Variants in OGDHL observed in about 807,000 individuals in gnomAD.
OGDHL encodes the protein 2-oxoglutarate dehydrogenase-like, mitochondrial.
A neutral mutation model predicts 109.6 loss-of-function variants in OGDHL; 79 were observed. The ratio of observed to expected loss-of-function variants is 0.72; its 90% confidence interval spans 0.60 to 0.87. The LOEUF (loss-of-function observed/expected upper bound fraction) is 0.87. OGDHL is among the 40% of genes least tolerant of loss of function. OGDHL has a pLI of 0.00. For synonymous variants in OGDHL, 528 were observed against 537.2 expected, an observed-to-expected ratio of 0.98 and a Z score of 0.24; for missense variants, 1,275 against 1,362.2, an observed-to-expected ratio of 0.94 and a Z score of 1.01.
Position 49,743,983 on chromosome 10 carries a change from A to G in OGDHL, c.1861+11T>C. On this transcript the variant is annotated intron_variant, in intron 14 of 22. Transcript: ENST00000374103. ...CAGCAGCCTGGGCTGCAGCCTGTCC[A>G]GCAACCTCACCAGTGTGGATCTTAA... is the stretch of plus-strand genomic sequence containing the variant. 1 of 1,611,010 alleles carries G rather than the reference A, an allele frequency of 6.2e-7. No individual in the cohort carries two copies. The highest frequency in any genetic ancestry group is 1.1e-5 in the South Asian group (1 of 90,942).
intron 2 of OGDHL, among the ~76,000 whole-genome samples, chr10:49,757,591 T>G (rs956486543): frequency 6.6e-6 from 1 of 152,136 alleles, no homozygotes; most frequent in South Asian, 2.1e-4. Flanking sequence ...TTCGCCACAG[T>G]CAGAGACTAG....
rs776345244 is a variant in OGDHL at position 49,752,130 on chromosome 10, C to T, written c.594+3G>A. 4 of 1,612,882 alleles carry T rather than the reference C, an allele frequency of 2.5e-6. No individual in the cohort carries two copies. Among genetic ancestry groups the T allele is most frequent in the South Asian group, 1.1e-5 (1 of 91,052 alleles). On this transcript the variant is annotated splice_donor_region_variant and intron_variant, in intron 5 of 22. Coordinates refer to ENST00000374103, the MANE Select transcript of OGDHL (RefSeq NM_018245.3). ...TGCACCCCACACACCCGCCTGTGCT[C>T]ACCTCCAGGCGCCGAATGATCTCCC...
At chr10:49,743,584 C>G (rs1437021031) in intron 14 of OGDHL, 1 of 169,126 alleles carries the variant, frequency 5.9e-6, no homozygotes, top group Admixed American at 5.9e-5. Flanking sequence ...GGGCTGCCCT[C>G]GGTCATTGGT....
rs1841045628 is a variant in OGDHL at position 49,735,131 on chromosome 10, G to A, written c.*97C>T. 2.0e-6 allele frequency: 3 copies of A among 1,517,296 alleles called. No individual in the cohort carries two copies. The highest frequency in any genetic ancestry group is 1.4e-5 in the African/African-American group (1 of 72,104). 94.0% of individuals were successfully genotyped at this position (1,517,296 alleles called of 1,614,324 possible). A position where few individuals can be genotyped will look rare whatever the true frequency, so the allele number is the denominator to read the frequency against. On this transcript the variant is annotated 3_prime_UTR_variant, in exon 23 of 23. Coordinates refer to ENST00000374103, the MANE Select transcript of OGDHL (RefSeq NM_018245.3). ...GTCTGTTTTATCCTGGGGCCCCACA[G>A]CCCCTCTCCTGGGCAGGAGCTCCGC...
intron 15 of OGDHL, 105 bp from the exon 16 acceptor site, chr10:49,740,942 T>A: frequency 7.0e-7 from 1 of 1,433,442 alleles, no homozygotes; most frequent in Non-Finnish European, 9.6e-7. Flanking sequence ...CCTCCGTCAC[T>A]GTCCCAGGAA....
chr10:49,751,916 C>A lies in OGDHL; in HGVS notation c.660G>T (p.Trp220Cys), dbSNP rs138462834. Residue 220 changes from tryptophan to cysteine, a missense_variant, in exon 6 of 23, where the codon TGG becomes TGT. Transcript: ENST00000374103. ...CAGGGGTCTCAAACTTCTGCCGGAT[C>A]CACTGGCACTGCTCCACATCGTTGA... ...MFINDVEQCQ[W>C]IRQKFETPGV... The A allele has an allele frequency of 6.2e-7, 1 of 1,614,172 alleles. No homozygotes were observed. The highest frequency in any genetic ancestry group is 8.5e-7 in the Non-Finnish European group (1 of 1,180,020).
At chr10:49,753,308 G>A (rs1842726522) in intron 3 of OGDHL, among the ~76,000 whole-genome samples, 1 of 152,106 alleles carries the variant, frequency 6.6e-6, no homozygotes, top group African/African-American at 2.4e-5. Context: ...TATCCTCTAG[G>A]GGAGGGGACA....
intron 15 of OGDHL, among the ~76,000 whole-genome samples, chr10:49,741,487 A>C (rs940232015): frequency 2.6e-5 from 4 of 152,100 alleles, no homozygotes; most frequent in Admixed American, 1.3e-4. Flanking sequence ...TGGCTTGCTA[A>C]CCAGGAGCGG....
intron 17 of OGDHL, chr10:49,738,747 G>A (rs1009127721): frequency 1.2e-4 from 22 of 180,826 alleles, no homozygotes; most frequent in African/African-American, 4.3e-4. Flanking sequence ...CCTGGGCCTC[G>A]CCCACCCTCA....
In OGDHL at chr10:49,751,002, T is replaced by A. The variant is rs1385059825; in HGVS notation, c.750-17A>T. Reference sequence around the variant, plus strand: ...TCTTCAAACCTGCTTGGGGAGAGGATGGGAAGAGGAAAGGGAAAGGGATGG... The same window carrying A: ...TCTTCAAACCTGCTTGGGGAGAGGAAGGGAAGAGGAAAGGGAAAGGGATGG... On this transcript the variant is annotated splice_polypyrimidine_tract_variant and intron_variant, in intron 6 of 22. Coordinates refer to ENST00000374103, the MANE Select transcript of OGDHL (RefSeq NM_018245.3). 1.3e-6 allele frequency: 2 copies of A among 1,580,644 alleles called. No individual in the cohort carries two copies. Among genetic ancestry groups the A allele is most frequent in the South Asian group, 2.3e-5 (2 of 87,868 alleles).
chr10:49,755,460 A>C (rs1842862768), intron 3 of OGDHL, among the ~76,000 whole-genome samples: 1 of 152,168 alleles, frequency 6.6e-6, no homozygotes, highest in African/African-American at 2.4e-5. Context: ...GCTAAGGGGG[A>C]AATTGATGAA....
intron 16 of OGDHL, among the ~76,000 whole-genome samples, 182 bp downstream of exon 16, chr10:49,740,528 C>T (rs1027374914): frequency 5.3e-5 from 8 of 152,096 alleles, no homozygotes; most frequent in African/African-American, 1.9e-4. Context: ...AGATGGGACA[C>T]GATTTCACCT....
chr10:49,746,120 G>T, intron 10 of OGDHL, 143 bp from the exon 11 acceptor site: 2 of 893,518 alleles, frequency 2.2e-6, no homozygotes, highest in Non-Finnish European at 3.3e-6. Context: ...GGGTGATGGT[G>T]AGCAGCCCCA....
intron 20 of OGDHL, 23 bp from the exon 21 acceptor site, chr10:49,736,543 C>T: frequency 6.2e-7 from 1 of 1,608,956 alleles, no homozygotes; most frequent in Non-Finnish European, 8.5e-7. Flanking sequence ...CAGGACATGG[C>T]AGAGGCGTTG....
rs530353500 is a variant in OGDHL at position 49,751,868 on chromosome 10, C to T, written c.708G>A (p.Glu236=). 9.7e-5 allele frequency: 156 copies of T among 1,614,178 alleles called. 2 individuals carry two copies. The South Asian group carries it at 1.1e-3, about 11-fold the overall frequency. ...ETPGVMQFSS[E]EKRTLLARLV... The stretch of plus-strand genomic sequence containing the variant: ...GCCGGGCCAGCAGGGTCCGCTTCTC[C>T]TCGCTGGAGAACTGCATCACACCAG... The change falls in exon 6 of 23, where the codon GAG becomes GAA. Residue 236 remains glutamate (E), a synonymous_variant. Transcript: ENST00000374103.
rs1190641938 is a variant in OGDHL, at chr10:49,745,802, T to A, written c.1472A>T (p.Asp491Val). 17 of 1,613,948 alleles carry A rather than the reference T, an allele frequency of 1.1e-5. No homozygotes were observed. Among genetic ancestry groups the A allele is most frequent in the Middle Eastern group, 1.6e-4 (1 of 6,062 alleles). Reference sequence around the variant, plus strand: ...GGCCTCAGTCCCCAGACCCACCAGGTCCACGACAACATCTTTGTTGAAAGT... The same window carrying A: ...GGCCTCAGTCCCCAGACCCACCAGGACCACGACAACATCTTTGTTGAAAGT... ...RNTFNKDVVV[D>V]LVCYRRRGHN... The change falls in exon 11 of 23, where the codon GAC (aspartate) becomes GTC (valine). Residue 491 changes from aspartate to valine, a missense_variant. Coordinates refer to ENST00000374103, the MANE Select transcript of OGDHL (RefSeq NM_018245.3).
At chr10:49,738,284 C>T (rs754811451) in intron 17 of OGDHL, 22 bp from the exon 18 acceptor site, 2 of 1,611,774 alleles carry the variant, frequency 1.2e-6, no homozygotes, top group Admixed American at 3.3e-5. Flanking sequence ...CGCCAGACAG[C>T]CAAGGCTGGA....
chr10:49,752,768 G>A, intron 3 of OGDHL, 28 bp from the exon 4 acceptor site: 2 of 1,554,932 alleles, frequency 1.3e-6, no homozygotes, highest in Non-Finnish European at 1.8e-6. Context: ...AGCAGGGTGG[G>A]GCTGGGACCC....
rs202185236 is a variant in OGDHL, at chr10:49,738,261, C to T, written c.2321G>A (p.Gly774Asp). ...LLLPHGMEGM[G>D]PEHSSARPER... The stretch of plus-strand genomic sequence containing the variant: ...GGGCCTCGCTGACGAGTGCTCTGGG[C>T]CCTGAAAGCAAACGCCAGACAGCCA... Residue 774 changes from glycine to aspartate, a missense_variant and splice_region_variant, in exon 18 of 23, where the codon GGC (glycine) becomes GAC (aspartate). Coordinates refer to ENST00000374103, the MANE Select transcript of OGDHL (RefSeq NM_018245.3). 273 of 1,612,580 alleles carry T rather than the reference C, an allele frequency of 1.7e-4. No homozygotes were observed. The highest frequency in any genetic ancestry group is 2.0e-4 in the Non-Finnish European group (238 of 1,180,028).
Sources: gnomAD v4.1 joint callset for allele counts (sites outside exome capture counted in the v4.1 genomes callset) on GRCh38, gnomAD v4.1.1 for gene constraint, MANE v1.5 for transcripts, NCBI Gene and HGNC (gene_info 2026-07-23, HGNC 2026-07-21) for gene names.